Variants in RBPJ observed in about 807,000 individuals in gnomAD.
RBPJ encodes recombining binding protein suppressor of hairless.
RBPJ carries 9 observed loss-of-function variants against 67.8 expected under a neutral mutation model. The observed-to-expected ratio is 0.13, with a 90% CI of 0.08 to 0.23. The LOEUF is 0.23. Among genes scored for constraint, RBPJ ranks in the 10% least tolerant of loss-of-function variants. The pLI is 1.00. For missense variants in RBPJ, 305 were observed against 595.6 expected (o/e 0.51, Z 5.08); for synonymous variants, 198 against 203.3 (o/e 0.97, Z 0.22).
chr4:26,310,040 A>G (rs562903908), intron 1 of RBPJ, among the ~76,000 whole-genome samples: 1 of 152,358 alleles, frequency 6.6e-6, no homozygotes, highest in East Asian at 1.9e-4. Flanking sequence ...TGCACATATT[A>G]ACAAGCTAAG....
chr4:26,139,695 G>T, the RBPJ span, among the ~76,000 whole-genome samples: 1 of 152,160 alleles, frequency 6.6e-6, no homozygotes, highest in Non-Finnish European at 1.5e-5. Context: ...GGCCACAGGG[G>T]CCTCTGTTTT....
chr4:26,406,713 A>G (rs1017172831), intron 3 of RBPJ, among the ~76,000 whole-genome samples: 1 of 152,244 alleles, frequency 6.6e-6, no homozygotes, highest in Non-Finnish European at 1.5e-5. Context: ...ACTTTCCTAA[A>G]TACGTTAAGT....
intron 3 of RBPJ, among the ~76,000 whole-genome samples, chr4:26,410,949 GAAAAT>G (rs928031203): frequency 7.9e-5 from 12 of 152,206 alleles, no homozygotes; most frequent in African/African-American, 2.9e-4. Context: ...GGGAAGATGA[GAAAAT>G]AAAGGCAACG....
At position 26,185,263 on chromosome 4, in the gene RBPJ, C is replaced by T. The variant is rs531443744; in HGVS notation, c.-167+21649C>T. On this transcript the variant is annotated intron_variant, in intron 1 of 4. Transcript: ENST00000512351. ...CTTTTGCAAAGTGGCAAACTTCTTA[C>T]GGTATTTCTCACCCTCTAAGTTCTT... 4.0e-5 allele frequency among the ~76,000 whole-genome samples: 6 copies of T among 151,446 alleles called. No homozygotes were observed. The South Asian group carries it at 8.3e-4, about 21-fold the overall frequency.
intron 1 of RBPJ, among the ~76,000 whole-genome samples, chr4:26,371,559 G>A (rs1729164534): frequency 6.6e-6 from 1 of 152,114 alleles, no homozygotes; most frequent in African/African-American, 2.4e-5. Context: ...AAATACAGTG[G>A]TATGACATTT....
At chr4:26,369,079 T>A (rs183679549) in intron 1 of RBPJ, among the ~76,000 whole-genome samples, 2 of 152,340 alleles carry the variant, frequency 1.3e-5, no homozygotes, top group Non-Finnish European at 1.5e-5. Context: ...ATAACAGGTA[T>A]TCAGCAAATA....
At chr4:26,200,337 C>T (rs1406099732) in intron 1 of RBPJ, among the ~76,000 whole-genome samples, 1 of 152,112 alleles carries the variant, frequency 6.6e-6, no homozygotes, top group Non-Finnish European at 1.5e-5. Flanking sequence ...ACTAACTTCA[C>T]CAAGGTCCAC....
At chr4:26,263,170 C>T (rs992467981) in intron 1 of RBPJ, among the ~76,000 whole-genome samples, 3 of 152,018 alleles carry the variant, frequency 2.0e-5, no homozygotes, top group Admixed American at 6.6e-5. Context: ...CAAATAAACC[C>T]GAATATAAAA....
At chr4:26,407,883 C>CTTTTTTTTTTTTTTTT (rs61575988) in intron 3 of RBPJ, among the ~76,000 whole-genome samples, 13 of 63,622 alleles carry the variant, frequency 2.0e-4, no homozygotes, top group African/African-American at 8.6e-4. Context: ...AGCTTTCTTT[C>CTTTTTTTTTTTTTTTT]TTTTTTTTTT....
chr4:26,273,906 G>A (rs1484032481), intron 1 of RBPJ, among the ~76,000 whole-genome samples: 1 of 152,160 alleles, frequency 6.6e-6, no homozygotes, highest in Non-Finnish European at 1.5e-5. Flanking sequence ...GATTAGGCCC[G>A]GCTTTACTTC....
chr4:26,253,381 G>A (rs1240703577), intron 1 of RBPJ, among the ~76,000 whole-genome samples: 5 of 135,456 alleles, frequency 3.7e-5, no homozygotes, highest in African/African-American at 1.5e-4. Context: ...GCGCAATCTC[G>A]GCTCACTGCA....
At chr4:26,294,144 T>C (rs539998013) in intron 1 of RBPJ, among the ~76,000 whole-genome samples, 21 of 140,262 alleles carry the variant, frequency 1.5e-4, no homozygotes, top group East Asian at 1.3e-3. Flanking sequence ...GTCGCCCAGA[T>C]TGGAGTGCAG....
chr4:26,416,318 A>G (rs1270813169), intron 4 of RBPJ, among the ~76,000 whole-genome samples: 1 of 152,158 alleles, frequency 6.6e-6, no homozygotes, highest in African/African-American at 2.4e-5. Flanking sequence ...GAAATGCAAT[A>G]GTGCAATCTT....
At chr4:26,334,759 T>C (rs1724635707) in intron 1 of RBPJ, among the ~76,000 whole-genome samples, 1 of 152,220 alleles carries the variant, frequency 6.6e-6, no homozygotes, top group Non-Finnish European at 1.5e-5. Context: ...CATCAGCCTA[T>C]TTCATTTTTC....
chr4:26,150,606 A>C, the RBPJ span, among the ~76,000 whole-genome samples: 15 of 152,352 alleles, frequency 9.8e-5, no homozygotes, highest in African/African-American at 2.6e-4. Context: ...CCCATCCGAA[A>C]AAAAGGGATT....
intron 1 of RBPJ, among the ~76,000 whole-genome samples, chr4:26,349,796 A>G (rs1217983234): frequency 6.6e-6 from 1 of 152,246 alleles, no homozygotes; most frequent in Admixed American, 6.5e-5. Flanking sequence ...ATTGTTTTAT[A>G]AAAGTAACTG....
chr4:26,320,095 G>A (rs1300805190), upstream of RBPJ, among the ~76,000 whole-genome samples: 1 of 152,228 alleles, frequency 6.6e-6, no homozygotes, highest in African/African-American at 2.4e-5. Context: ...CACGGTGGTG[G>A]CTGCGATGGG....
rs377411259 is a variant in RBPJ, at chr4:26,242,115, G to A, written c.-167+78501G>A. 4.6e-5 allele frequency among the ~76,000 whole-genome samples: 7 copies of A among 152,226 alleles called. 1 individual carries two copies. Among genetic ancestry groups the A allele is most frequent in the East Asian group, 1.9e-4 (1 of 5,188 alleles). Reference sequence around the variant, plus strand: ...AACCAAATCATTAAGGTCCCTACACGCTGCCCTCATGGCCTTAGAGTTCAG... The same window carrying A: ...AACCAAATCATTAAGGTCCCTACACACTGCCCTCATGGCCTTAGAGTTCAG... On this transcript the variant is annotated intron_variant, in intron 1 of 4. Coordinates refer to the RBPJ transcript ENST00000512351.
chr4:26,393,067 G>A (rs976489062), intron 2 of RBPJ, among the ~76,000 whole-genome samples: 8 of 152,076 alleles, frequency 5.3e-5, no homozygotes, highest in African/African-American at 9.7e-5. Flanking sequence ...GGCTGGTCTC[G>A]AACTCCTGAC....
Sources: gnomAD v4.1 joint callset for allele counts (sites outside exome capture counted in the v4.1 genomes callset) on GRCh38, gnomAD v4.1.1 for gene constraint, MANE v1.5 for transcripts, NCBI Gene and HGNC (gene_info 2026-07-23, HGNC 2026-07-21) for gene names.